Variants in ENTREP2 observed in about 807,000 individuals in gnomAD.
ENTREP2 encodes the protein endosomal transmembrane epsin interactor 2, also known as protein ENTREP2.
At chr15:29,550,905 A>C in the ENTREP2 span, among the ~76,000 whole-genome samples, 55 of 152,282 alleles carry the variant, frequency 3.6e-4, no homozygotes, top group East Asian at 8.7e-3. Context: ...ATTGAGGTCA[A>C]AGAGAGCAAG....
At chr15:29,123,116 G>A in the ENTREP2 span, 1 of 521,602 alleles carries the variant, frequency 1.9e-6, no homozygotes, top group Non-Finnish European at 3.4e-6. Context: ...GAATTACTGG[G>A]CTAGGCAGGA....
chr15:29,398,002 A>G, the ENTREP2 span, among the ~76,000 whole-genome samples: 1 of 151,744 alleles, frequency 6.6e-6, no homozygotes, highest in South Asian at 2.1e-4. Context: ...TCTTTCAGAT[A>G]TTTAACTCCT....
chr15:29,635,918 T>G, the ENTREP2 span, among the ~76,000 whole-genome samples: 17 of 152,152 alleles, frequency 1.1e-4, no homozygotes, highest in Non-Finnish European at 2.5e-4. Flanking sequence ...CCTTCCACAT[T>G]CTGATGAGGT....
At chr15:29,259,520 G>C in the ENTREP2 span, among the ~76,000 whole-genome samples, 1 of 152,076 alleles carries the variant, frequency 6.6e-6, no homozygotes, top group Non-Finnish European at 1.5e-5. Flanking sequence ...TCTGTGGGAG[G>C]GTAGGAGCCT....
At chr15:29,275,849 G>A in the ENTREP2 span, among the ~76,000 whole-genome samples, 1 of 152,210 alleles carries the variant, frequency 6.6e-6, no homozygotes, top group Non-Finnish European at 1.5e-5. Flanking sequence ...AATGATCAAA[G>A]CATGCAGCCA....
the ENTREP2 span, among the ~76,000 whole-genome samples, chr15:29,287,474 G>A: frequency 6.6e-6 from 1 of 151,182 alleles, no homozygotes; most frequent in African/African-American, 2.4e-5. Flanking sequence ...TACCTTTTGA[G>A]GTGGCTTGTG....
the ENTREP2 span, among the ~76,000 whole-genome samples, chr15:29,178,947 A>C: frequency 6.6e-6 from 1 of 152,234 alleles, no homozygotes; most frequent in South Asian, 2.1e-4. Flanking sequence ...GAAGGGCAAG[A>C]AGCAGTCTGG....
chr15:29,225,047 G>C, the ENTREP2 span, among the ~76,000 whole-genome samples: 1 of 152,174 alleles, frequency 6.6e-6, no homozygotes, highest in Non-Finnish European at 1.5e-5. Flanking sequence ...TCTGAGTGCG[G>C]GGCCGCTGAG....
chr15:29,368,385 T>C, the ENTREP2 span, among the ~76,000 whole-genome samples: 6 of 150,290 alleles, frequency 4.0e-5, no homozygotes, highest in Admixed American at 2.0e-4. Context: ...TACACACACA[T>C]ATATATACAC....
the ENTREP2 span, chr15:29,569,946 C>G: frequency 6.6e-6 from 1 of 152,050 alleles, no homozygotes; most frequent in Non-Finnish European, 1.5e-5. Context: ...CAGAAGTCCC[C>G]GAAGCCAAGT....
the ENTREP2 span, among the ~76,000 whole-genome samples, chr15:29,542,333 CT>C: frequency 6.6e-6 from 1 of 151,602 alleles, no homozygotes; most frequent in Non-Finnish European, 1.5e-5. Flanking sequence ...GAGTCTCACT[CT>C]GTCACCCAGG....
At chr15:29,382,780 A>C in the ENTREP2 span, among the ~76,000 whole-genome samples, 1 of 151,996 alleles carries the variant, frequency 6.6e-6, no homozygotes, top group Admixed American at 6.6e-5. Flanking sequence ...TGATCCCCAC[A>C]TTCCTGATTT....
chr15:29,403,875 G>A, the ENTREP2 span, among the ~76,000 whole-genome samples: 10 of 152,240 alleles, frequency 6.6e-5, no homozygotes, highest in African/African-American at 1.9e-4. Flanking sequence ...GCCTGAATCC[G>A]CACACTCTCA....
chr15:29,379,093 A>G, the ENTREP2 span, among the ~76,000 whole-genome samples: 1 of 152,216 alleles, frequency 6.6e-6, no homozygotes, highest in East Asian at 1.9e-4. Flanking sequence ...TGCAGTGCAG[A>G]ACTGCCTCTG....
the ENTREP2 span, among the ~76,000 whole-genome samples, chr15:29,627,213 T>G: frequency 6.6e-6 from 1 of 152,168 alleles, no homozygotes; most frequent in African/African-American, 2.4e-5. Flanking sequence ...TTTTAAGCCA[T>G]TTTAAAGTAT....
the ENTREP2 span, among the ~76,000 whole-genome samples, chr15:29,256,311 A>T: frequency 6.6e-6 from 1 of 152,226 alleles, no homozygotes; most frequent in Non-Finnish European, 1.5e-5. Flanking sequence ...AAACCTGCAC[A>T]TGTACCTCCT....
At chr15:29,620,596 C>T in the ENTREP2 span, among the ~76,000 whole-genome samples, 1 of 152,000 alleles carries the variant, frequency 6.6e-6, no homozygotes, top group Non-Finnish European at 1.5e-5. Context: ...TATGATCACA[C>T]CACTGCACTC....
At chr15:29,617,326 G>A in the ENTREP2 span, among the ~76,000 whole-genome samples, 1 of 152,154 alleles carries the variant, frequency 6.6e-6, no homozygotes, top group African/African-American at 2.4e-5. Context: ...AAAAGAGAGA[G>A]AGAGAATTCC....
chr15:29,281,216 T>C, the ENTREP2 span, among the ~76,000 whole-genome samples: 1 of 152,230 alleles, frequency 6.6e-6, no homozygotes, highest in Admixed American at 6.5e-5. Context: ...ATATAATTTA[T>C]AGAAATTCTG....
Sources: gnomAD v4.1 joint callset for allele counts (sites outside exome capture counted in the v4.1 genomes callset) on GRCh38, gnomAD v4.1.1 for gene constraint, MANE v1.5 for transcripts, NCBI Gene and HGNC (gene_info 2026-07-23, HGNC 2026-07-21) for gene names.